Variants in RBFOX1 observed in about 807,000 individuals in gnomAD.
The protein encoded by RBFOX1 is RNA binding protein fox-1 homolog 1.
In RBFOX1, 8 loss-of-function variants were observed where a neutral mutation model predicts 57.7. That is an observed-to-expected ratio of 0.14 (90% CI 0.08 to 0.25). RBFOX1 has a LOEUF of 0.25. Ranked by LOEUF, RBFOX1 falls within the 10% of genes least tolerant of loss-of-function variation. The pLI, the probability that RBFOX1 is intolerant of heterozygous loss-of-function variation, is 1.00. For synonymous variants in RBFOX1, 326 were observed against 222.4 expected (o/e 1.47, Z -4.15); for missense variants, 611 against 548.5 (o/e 1.11, Z -1.14).
intron 3 of RBFOX1, among the ~76,000 whole-genome samples, chr16:6,664,596 C>G (rs746668200): frequency 6.6e-6 from 1 of 152,138 alleles, no homozygotes; most frequent in African/African-American, 2.4e-5. Flanking sequence ...GCGCATGTAG[C>G]CCACCACCAG....
At chr16:7,011,803 C>T (rs1027320288) in intron 3 of RBFOX1, among the ~76,000 whole-genome samples, 16 of 152,154 alleles carry the variant, frequency 1.1e-4, no homozygotes, top group East Asian at 3.9e-4. Flanking sequence ...CGTGAGCCGC[C>T]GCACCGTGCC....
At chr16:6,089,078 A>ATATATAT (rs547534677) in intron 1 of RBFOX1, among the ~76,000 whole-genome samples, 4 of 137,712 alleles carry the variant, frequency 2.9e-5, no homozygotes, top group African/African-American at 5.4e-5. Context: ...AAAAAAAAAA[A>ATATATAT]ATATATATAT....
intron 4 of RBFOX1, among the ~76,000 whole-genome samples, chr16:7,208,158 A>C (rs899348498): frequency 5.3e-5 from 8 of 152,198 alleles, no homozygotes; most frequent in African/African-American, 1.7e-4. Flanking sequence ...TTTTGGAGGC[A>C]GGTATCTTAC....
intron 4 of RBFOX1, among the ~76,000 whole-genome samples, chr16:5,933,205 GC>G (rs2059102170): frequency 6.6e-6 from 1 of 152,150 alleles, no homozygotes; most frequent in Non-Finnish European, 1.5e-5. Flanking sequence ...TGTCTTCTCC[GC>G]ATGGCGCCAG....
At chr16:6,859,090 T>C (rs12920147) in intron 3 of RBFOX1, among the ~76,000 whole-genome samples, 1 of 125,848 alleles carries the variant, frequency 7.9e-6, no homozygotes, top group Non-Finnish European at 1.7e-5. Context: ...ACCATCAGTG[T>C]TGTATTGTCC....
intron 4 of RBFOX1, among the ~76,000 whole-genome samples, chr16:7,264,669 C>T (rs1259437990): frequency 6.6e-6 from 1 of 152,050 alleles, no homozygotes; most frequent in African/African-American, 2.4e-5. Flanking sequence ...TTTCAGGTGT[C>T]ATGCAATCTT....
chr16:5,573,579 G>A (rs557530681), intron 2 of RBFOX1, among the ~76,000 whole-genome samples: 5 of 152,150 alleles, frequency 3.3e-5, no homozygotes, highest in Admixed American at 6.5e-5. Context: ...CTTTAAAGGA[G>A]GCCTTGTTTG....
At chr16:6,389,707 G>T (rs1042506615) in intron 2 of RBFOX1, among the ~76,000 whole-genome samples, 1 of 152,150 alleles carries the variant, frequency 6.6e-6, no homozygotes, top group East Asian at 1.9e-4. Context: ...CGAACCTCGT[G>T]CTCAAAAATT....
chr16:7,042,626 T>G, intron 3 of RBFOX1, among the ~76,000 whole-genome samples: 1 of 152,234 alleles, frequency 6.6e-6, no homozygotes, highest in Non-Finnish European at 1.5e-5. Flanking sequence ...GCAATTTATT[T>G]CAGCAAAAAG....
chr16:5,936,270 T>G (rs1031138701), intron 4 of RBFOX1, among the ~76,000 whole-genome samples: 1 of 152,100 alleles, frequency 6.6e-6, no homozygotes, highest in East Asian at 1.9e-4. Flanking sequence ...ATTACAGGCA[T>G]GTGCCAACGT....
At chr16:6,535,051 C>T (rs1457759431) in intron 2 of RBFOX1, among the ~76,000 whole-genome samples, 1 of 152,184 alleles carries the variant, frequency 6.6e-6, no homozygotes, top group African/African-American at 2.4e-5. Flanking sequence ...TTGGATTCCG[C>T]ATCCTGCAGC....
chr16:6,758,377 C>G (rs1359144065), intron 3 of RBFOX1, among the ~76,000 whole-genome samples: 28 of 152,048 alleles, frequency 1.8e-4, no homozygotes, highest in Admixed American at 1.7e-3. Context: ...CTATTATGTT[C>G]AAGAGATTAA....
intron 4 of RBFOX1, among the ~76,000 whole-genome samples, chr16:7,218,990 A>G (rs933446845): frequency 6.6e-6 from 1 of 152,146 alleles, no homozygotes; most frequent in African/African-American, 2.4e-5. Flanking sequence ...ACTGCCTGTT[A>G]CATGCTGGTG....
intron 1 of RBFOX1, among the ~76,000 whole-genome samples, chr16:6,135,482 A>C (rs529522234): frequency 3.3e-5 from 5 of 152,140 alleles, no homozygotes; most frequent in African/African-American, 1.2e-4. Context: ...GAATCCCATC[A>C]TCATTTTGAG....
chr16:6,286,275 G>A (rs1002971885), intron 1 of RBFOX1, among the ~76,000 whole-genome samples: 2 of 152,110 alleles, frequency 1.3e-5, no homozygotes, highest in African/African-American at 4.8e-5. Flanking sequence ...TGTCTTAAAT[G>A]TATCATTAAA....
At chr16:5,811,088 C>T (rs558145584) in intron 3 of RBFOX1, among the ~76,000 whole-genome samples, 4 of 151,608 alleles carry the variant, frequency 2.6e-5, no homozygotes, top group Admixed American at 6.6e-5. Flanking sequence ...TTTCTAAATC[C>T]GTACATTGGT....
rs138087493 is a variant in RBFOX1 at position 6,148,693 on chromosome 16, G to C, written c.-127+128701G>C. Among the ~76,000 whole-genome samples the C allele has an allele frequency of 2.6e-4, 39 of 152,308 alleles. 2 individuals carry two copies. In the East Asian group the frequency reaches 5.4e-3, roughly 21 times the overall value. On this transcript the variant is annotated intron_variant, in intron 1 of 15. Coordinates refer to ENST00000550418, the MANE Select transcript of RBFOX1 (RefSeq NM_018723.4). ...GGACACAGTTAGCATGGGAGACCCA[G>C]CTAGAAAAAGCTGGAGAGATCCAGA...
chr16:7,130,493 C>G (rs907668884), intron 4 of RBFOX1, among the ~76,000 whole-genome samples: 5 of 152,138 alleles, frequency 3.3e-5, no homozygotes, highest in African/African-American at 1.2e-4. Context: ...CATTGCAGTA[C>G]TCTAATGCCT....
At chr16:7,698,079 G>T (rs764728420) in intron 14 of RBFOX1, among the ~76,000 whole-genome samples, 105 of 152,032 alleles carry the variant, frequency 6.9e-4, no homozygotes, top group Non-Finnish European at 7.4e-4. Flanking sequence ...TTCACCAGAC[G>T]TCTTTTTGCT....
Sources: allele counts gnomAD v4.1 joint callset (sites outside exome capture counted in the v4.1 genomes callset), GRCh38; gene constraint gnomAD v4.1.1; transcripts MANE v1.5; gene names NCBI Gene and HGNC (gene_info 2026-07-23, HGNC 2026-07-21).